The following CENPP variants were observed in gnomAD, a reference collection of about 807,000 sequenced individuals.
The protein encoded by CENPP is centromere protein P.
CENPP carries 24 observed loss-of-function variants against 35.6 expected under a neutral mutation model. The ratio of observed to expected loss-of-function variants is 0.67; its 90% CI spans 0.49 to 0.95. The LOEUF is 0.95. Ranked by LOEUF, CENPP falls within the 40% of genes least tolerant of loss-of-function variation. The pLI, the probability that CENPP is intolerant of heterozygous loss-of-function variation, is 0.00. For missense variants in CENPP, 332 were observed against 345.3 expected, an observed-to-expected ratio of 0.96 and a Z score of 0.31; for synonymous variants, 120 against 125.5, an observed-to-expected ratio of 0.96 and a Z score of 0.29.
intron 5 of CENPP, among the ~76,000 whole-genome samples, chr9:92,479,260 C>G (rs756717385): frequency 1.3e-5 from 2 of 152,304 alleles, no homozygotes; most frequent in East Asian, 1.9e-4. Context: ...AGCCGGGGCC[C>G]CTTCCTTTGT....
chr9:92,385,336 G>T, intron 5 of CENPP: 2 of 263,924 alleles, frequency 7.6e-6, no homozygotes, highest in South Asian at 7.5e-5. Context: ...TCTCAAATTT[G>T]GGCATTTATA....
intron 4 of CENPP, among the ~76,000 whole-genome samples, chr9:92,364,738 A>G (rs923201956): frequency 6.6e-6 from 1 of 152,204 alleles, no homozygotes; most frequent in Admixed American, 6.5e-5. Context: ...GAACAAGATA[A>G]TTTTCAGTTT....
intron 5 of CENPP, among the ~76,000 whole-genome samples, chr9:92,548,254 T>C (rs753325026): frequency 2.0e-5 from 3 of 152,198 alleles, no homozygotes; most frequent in Non-Finnish European, 4.4e-5. Context: ...GAAAGCTCTC[T>C]TGCTGGTACT....
chr9:92,572,479 C>T (rs1474192275), intron 5 of CENPP, among the ~76,000 whole-genome samples: 1 of 152,216 alleles, frequency 6.6e-6, no homozygotes. Context: ...GATGGGCTTC[C>T]CTTTGTGGGT....
chr9:92,417,374 C>T (rs1377135474), intron 5 of CENPP: 1 of 1,614,094 alleles, frequency 6.2e-7, no homozygotes, highest in African/African-American at 1.3e-5. Flanking sequence ...TTCACTGACA[C>T]AGCCTAAAGT....
chr9:92,549,835 C>G (rs1030919007), intron 5 of CENPP, among the ~76,000 whole-genome samples: 1 of 152,136 alleles, frequency 6.6e-6, no homozygotes, highest in Non-Finnish European at 1.5e-5. Context: ...GAGCAGTTCT[C>G]TTACTCCCTG....
chr9:92,522,738 G>A (rs1244407742), intron 5 of CENPP: 2 of 1,613,984 alleles, frequency 1.2e-6, no homozygotes, highest in Admixed American at 1.7e-5. Context: ...GCTTGTGTGA[G>A]GTTGAACTTT....
At chr9:92,513,583 A>T (rs1247684556) in intron 5 of CENPP, among the ~76,000 whole-genome samples, 1 of 152,230 alleles carries the variant, frequency 6.6e-6, no homozygotes, top group Admixed American at 6.5e-5. Context: ...TGCCCCATCC[A>T]CATGATGGAA....
At position 92,417,413 on chromosome 9, in the gene CENPP, A is replaced by G. The variant is rs762174943; in HGVS notation, c.564+37554A>G. ...CTGATGAAAAGGAACTCCGTAGTCT[A>G]CATTTTGACGAAATGGGAATCCTGT... On this transcript the variant is annotated intron_variant, in intron 5 of 7. Coordinates refer to ENST00000375587, the MANE Select transcript of CENPP (RefSeq NM_001012267.3). 3 of 1,614,100 alleles carry G rather than the reference A, an allele frequency of 1.9e-6. No homozygotes were observed. Among genetic ancestry groups the G allele is most frequent in the Non-Finnish European group, 2.5e-6 (3 of 1,179,996 alleles).
Position 92,501,011 on chromosome 9 carries a change from G to A in CENPP, c.565-110303G>A, listed in dbSNP as rs557095017. 6.1e-5 allele frequency: 98 copies of A among 1,614,162 alleles called. No individual in the cohort carries two copies. The Admixed American group carries it at 1.0e-3, about 17-fold the overall frequency. On this transcript the variant is annotated intron_variant, in intron 5 of 7. Transcript: ENST00000375587. Reference sequence around the variant, plus strand: ...AGGACTTGGGTAGATAGGACGGGACGTGATAGAGCTTGTTGTAGGAGAGAT... The same window carrying A: ...AGGACTTGGGTAGATAGGACGGGACATGATAGAGCTTGTTGTAGGAGAGAT...
At chr9:92,372,099 CTTTTTTT>C (rs71362382) in intron 4 of CENPP, among the ~76,000 whole-genome samples, 8 of 30,680 alleles carry the variant, frequency 2.6e-4, no homozygotes, top group African/African-American at 9.7e-4. Context: ...TGCCAGCCAT[CTTTTTTT>C]TTTTTTTTTT....
intron 5 of CENPP, among the ~76,000 whole-genome samples, chr9:92,468,280 C>T (rs745831020): frequency 3.9e-5 from 6 of 152,160 alleles, no homozygotes; most frequent in Non-Finnish European, 8.8e-5. Context: ...TGGTAAGAGC[C>T]GCGCCACATG....
intron 5 of CENPP, among the ~76,000 whole-genome samples, chr9:92,475,349 C>G (rs1291714400): frequency 6.6e-6 from 1 of 151,890 alleles, no homozygotes; most frequent in Admixed American, 6.6e-5. Flanking sequence ...TAAAAAAAAG[C>G]AAATATAAAA....
chr9:92,507,099 GACA>G (rs948157984), intron 5 of CENPP, among the ~76,000 whole-genome samples: 6 of 152,052 alleles, frequency 3.9e-5, no homozygotes, highest in Non-Finnish European at 8.8e-5. Flanking sequence ...TTGCACCCTG[GACA>G]ACAACGTCTG....
At chr9:92,510,796 T>G (rs1051281967) in intron 5 of CENPP, among the ~76,000 whole-genome samples, 2 of 152,222 alleles carry the variant, frequency 1.3e-5, no homozygotes, top group Admixed American at 6.5e-5. Context: ...CAAATTTTTC[T>G]CTTGGACAAA....
chr9:92,508,253 G>A lies in CENPP; in HGVS notation c.565-103061G>A, dbSNP rs1046587517. Among the ~76,000 whole-genome samples, 25 of 152,226 alleles carry A rather than the reference G, an allele frequency of 1.6e-4. 1 individual carries two copies. The highest frequency in any genetic ancestry group is 1.6e-3 in the Admixed American group (25 of 15,284). Reference sequence around the variant, plus strand: ...CTCAGCCCACCCAGGGAGTGCAGCCGGGGGTATCTGAGCCGGAGGACAGAA... The same window carrying A: ...CTCAGCCCACCCAGGGAGTGCAGCCAGGGGTATCTGAGCCGGAGGACAGAA... On this transcript the variant is annotated intron_variant, in intron 5 of 7. Coordinates refer to ENST00000375587, the MANE Select transcript of CENPP (RefSeq NM_001012267.3).
chr9:92,515,325 G>A, intron 5 of CENPP: 1 of 1,236,244 alleles, frequency 8.1e-7, no homozygotes, highest in Non-Finnish European at 1.0e-6. Flanking sequence ...GCAATTTAAA[G>A]ATGAAATGCA....
chr9:92,337,595 C>A lies in CENPP; in HGVS notation c.344C>A (p.Thr115Lys). The A allele has an allele frequency of 6.2e-7, 1 of 1,607,662 alleles. No individual in the cohort carries two copies. The highest frequency in any genetic ancestry group is 8.5e-7 in the Non-Finnish European group (1 of 1,174,208). ...HRLSGNCHMV[T>K]FQLEFQILEI... ...TTATCAGGAAATTGCCACATGGTTACATTTCAACTTGAATTTCAGATTCTG... is the reference window on the plus strand; with the variant it reads ...TTATCAGGAAATTGCCACATGGTTAAATTTCAACTTGAATTTCAGATTCTG... Residue 115 changes from threonine (T) to lysine (K), a missense_variant, in exon 3 of 8, where the codon ACA (threonine) becomes AAA (lysine). Transcript: ENST00000375587.
intron 5 of CENPP, among the ~76,000 whole-genome samples, chr9:92,521,368 CATT>C (rs995138715): frequency 6.6e-6 from 1 of 152,058 alleles, no homozygotes; most frequent in Non-Finnish European, 1.5e-5. Flanking sequence ...GTTATGAGTA[CATT>C]ATTATTACAA....
Sources: gnomAD v4.1 joint callset for allele counts (sites outside exome capture counted in the v4.1 genomes callset) on GRCh38, gnomAD v4.1.1 for gene constraint, MANE v1.5 for transcripts, NCBI Gene and HGNC (gene_info 2026-07-23, HGNC 2026-07-21) for gene names.